The following VSX2 variants were observed in gnomAD, a reference collection of about 807,000 sequenced individuals.
VSX2 encodes the protein ceh-10 homeo domain containing homolog.
A neutral mutation model predicts 32.1 loss-of-function variants in VSX2; 28 were observed. The observed-to-expected ratio is 0.87, with a 90% confidence interval of 0.65 to 1.20. VSX2 has a LOEUF of 1.20. Ranked by LOEUF, VSX2 falls within the 50% of genes most tolerant of loss-of-function variation. VSX2 has a pLI of 0.00. For missense variants in VSX2, 506 were observed against 488.7 expected, an observed-to-expected ratio of 1.04 and a Z score of -0.33; for synonymous variants, 243 against 214.1, an observed-to-expected ratio of 1.14 and a Z score of -1.18.
intron 3 of VSX2, among the ~76,000 whole-genome samples, chr14:74,254,543 TC>T: frequency 6.6e-6 from 1 of 152,324 alleles, no homozygotes; most frequent in East Asian, 1.9e-4. Context: ...AAAGGCTGGA[TC>T]TTTCTTCCCC....
In VSX2 at chr14:74,239,509, G is replaced by A. The variant is rs1158588871; in HGVS notation, c.-53G>A. The A allele has an allele frequency of 2.6e-6, 4 of 1,548,948 alleles. No individual in the cohort carries two copies. Among genetic ancestry groups the A allele is most frequent in the Non-Finnish European group, 3.5e-6 (4 of 1,146,696 alleles). On this transcript the variant is annotated 5_prime_UTR_variant, in exon 1 of 5. Coordinates refer to ENST00000261980, the MANE Select transcript of VSX2 (RefSeq NM_182894.3). Reference sequence around the variant, plus strand: ...TTCGCGAAGCGGGAAGCCCGGCGGGGGGGTGGGGGGAGCTAAAGACCTGCG... The same window carrying A: ...TTCGCGAAGCGGGAAGCCCGGCGGGAGGGTGGGGGGAGCTAAAGACCTGCG...
rs117813701 is a variant in VSX2, at chr14:74,260,958, C to T, written c.*39C>T. On this transcript the variant is annotated 3_prime_UTR_variant, in exon 5 of 5. Transcript: ENST00000261980. ...CAGATGCCGGAGCCCCAAGACTCTG[C>T]TCTCCTCGGGCCCTGTGGTGCTGGG... 55,986 of 1,546,528 alleles carry T rather than the reference C, an allele frequency of 0.036. 1,744 individuals are homozygous for T. Among genetic ancestry groups the T allele is most frequent in the East Asian group, 0.13 (5,217 of 40,872 alleles).
chr14:74,240,063 G>A, intron 1 of VSX2, 132 bp downstream of exon 1: 1 of 1,236,434 alleles, frequency 8.1e-7, no homozygotes, highest in Non-Finnish European at 1.1e-6. Flanking sequence ...CGCCGCCTGG[G>A]CCTTGGGCCG....
At chr14:74,248,427 C>T (rs1242397801) in intron 3 of VSX2, among the ~76,000 whole-genome samples, 3 of 151,302 alleles carry the variant, frequency 2.0e-5, no homozygotes, top group Admixed American at 6.6e-5. Flanking sequence ...GGGCTCATGC[C>T]GGTAATCTCA....
In VSX2 at chr14:74,245,158, C is replaced by T. The variant is rs770570869; in HGVS notation, c.456-7C>T. 2.5e-6 allele frequency: 4 copies of T among 1,613,602 alleles called. No homozygotes were observed. Among genetic ancestry groups the T allele is most frequent in the Non-Finnish European group, 3.4e-6 (4 of 1,179,842 alleles). On this transcript the variant is annotated splice_region_variant and splice_polypyrimidine_tract_variant and intron_variant, in intron 2 of 4. Coordinates refer to ENST00000261980, the MANE Select transcript of VSX2 (RefSeq NM_182894.3). ...GGGTCCTGAGTGTTCGGTCTTGCTC[C>T]CCTCAGGACAATCTTTACCTCCTAC...
In VSX2 at chr14:74,254,784, A is replaced by ATTTTTTTTTTTTTTTTTTTTTTTTT. The variant is rs537753574; in HGVS notation, c.580-4805_580-4804insTTTTTTTTTTTTTTTTTTTTTTTTT. ...ATCCTCCAAAAACCCCGAAAAGTGG[A>ATTTTTTTTTTTTTTTTTTTTTTTTT]TTTTTTTTTTTTTGAGACGCAGTCT... On this transcript the variant is annotated intron_variant, in intron 3 of 4. Transcript: ENST00000261980. Among the ~76,000 whole-genome samples the ATTTTTTTTTTTTTTTTTTTTTTTTT allele has an allele frequency of 7.7e-3, 891 of 116,260 alleles. 139 individuals are homozygous for ATTTTTTTTTTTTTTTTTTTTTTTTT. Among genetic ancestry groups the ATTTTTTTTTTTTTTTTTTTTTTTTT allele is most frequent in the East Asian group, 0.031 (84 of 2,672 alleles). The allele number at this position is 116,260 out of a possible 152,430, so 76.3% of individuals were successfully genotyped here.
Position 74,243,610 on chromosome 14 carries a change from G to GAT in VSX2, c.456-1555_456-1554insAT, listed in dbSNP as rs1213646683. Among the ~76,000 whole-genome samples, 675 of 152,166 alleles carry GAT rather than the reference G, an allele frequency of 4.4e-3. 8 individuals are homozygous for GAT. Among genetic ancestry groups the GAT allele is most frequent in the African/African-American group, 0.015 (640 of 41,508 alleles). On this transcript the variant is annotated intron_variant, in intron 2 of 4. Coordinates refer to ENST00000261980, the MANE Select transcript of VSX2 (RefSeq NM_182894.3). ...TTGTTTATTTTGATGCTCTGTCCAT[G>GAT]GGCCCTTCAGCAGATGGCAGAAGCG...
intron 2 of VSX2, among the ~76,000 whole-genome samples, chr14:74,243,974 G>A (rs1280576972): frequency 6.6e-6 from 1 of 152,168 alleles, no homozygotes; most frequent in Non-Finnish European, 1.5e-5. Context: ...TTCAGTTTGT[G>A]GACGCTGGAC....
At chr14:74,244,330 A>G (rs1421629783) in intron 2 of VSX2, among the ~76,000 whole-genome samples, 1 of 151,998 alleles carries the variant, frequency 6.6e-6, no homozygotes, top group African/African-American at 2.4e-5. Context: ...TGAGTGGCTG[A>G]GCTTGCAAGT....
intron 3 of VSX2, among the ~76,000 whole-genome samples, chr14:74,258,595 C>G (rs1039434236): frequency 6.6e-6 from 1 of 152,152 alleles, no homozygotes; most frequent in African/African-American, 2.4e-5. Flanking sequence ...TGGGGCGCAC[C>G]ATTACCCCGC....
chr14:74,243,555 CT>C (rs113901119), intron 2 of VSX2, among the ~76,000 whole-genome samples: 6,566 of 152,144 alleles, frequency 0.043, 324 homozygotes, highest in African/African-American at 0.12. Flanking sequence ...CTCAGTTTCC[CT>C]GGTTTTGGAA....
At chr14:74,246,382 C>T (rs566473452) in intron 3 of VSX2, among the ~76,000 whole-genome samples, 8 of 152,310 alleles carry the variant, frequency 5.3e-5, no homozygotes, top group Non-Finnish European at 1.2e-4. Flanking sequence ...TGTACTCTCT[C>T]ACTGGAGGAC....
At position 74,239,625 on chromosome 14, in the gene VSX2, T is replaced by C. The variant is rs1269207375; in HGVS notation, c.64T>C (p.Ser22Pro). ...PKSETVAKSTSGGAPARCTGF... is the reference protein window; with the variant it reads ...PKSETVAKSTPGGAPARCTGF... ...ATCCGAGACAGTGGCCAAGAGTACCTCGGGGGGCGCCCCGGCCAGGTGCAC... is the reference window on the plus strand; with the variant it reads ...ATCCGAGACAGTGGCCAAGAGTACCCCGGGGGGCGCCCCGGCCAGGTGCAC... The change falls in exon 1 of 5, where the codon TCG becomes CCG. Residue 22 changes from serine (S) to proline (P), a missense_variant. Coordinates refer to ENST00000261980, the MANE Select transcript of VSX2 (RefSeq NM_182894.3). 6.4e-7 allele frequency: 1 copy of C among 1,550,898 alleles called. No individual in the cohort carries two copies. Among genetic ancestry groups the C allele is most frequent in the Non-Finnish European group, 8.7e-7 (1 of 1,146,902 alleles).
intron 3 of VSX2, among the ~76,000 whole-genome samples, chr14:74,257,921 A>G (rs985413397): frequency 6.6e-6 from 1 of 151,510 alleles, no homozygotes; most frequent in African/African-American, 2.4e-5. Flanking sequence ...ACGGCAAGCA[A>G]TTTTTTTTTA....
intron 1 of VSX2, among the ~76,000 whole-genome samples, chr14:74,240,264 G>A (rs1228200103): frequency 6.6e-6 from 1 of 152,184 alleles, no homozygotes; most frequent in Non-Finnish European, 1.5e-5. Context: ...CGGCCGTGTC[G>A]GAGGGCCCCA....
Position 74,245,257 on chromosome 14 carries a change from T to TGAAAAC in VSX2, c.550_555dup (p.Lys184_Thr185dup). The TGAAAAC allele has an allele frequency of 6.2e-7, 1 of 1,613,374 alleles. No homozygotes were observed. The highest frequency in any genetic ancestry group is 8.5e-7 in the Non-Finnish European group (1 of 1,179,872). ...GTCTATGCCCGGGAGATGCTGGCCA[T>TGAAAAC]GAAAACGGAGCTGCCGGAAGACAGG... is the stretch of plus-strand genomic sequence containing the variant. On this transcript the variant is annotated inframe_insertion, in exon 3 of 5. Coordinates refer to ENST00000261980, the MANE Select transcript of VSX2 (RefSeq NM_182894.3).
chr14:74,251,467 C>A (rs567125955), intron 3 of VSX2, among the ~76,000 whole-genome samples: 1 of 152,078 alleles, frequency 6.6e-6, no homozygotes, highest in African/African-American at 2.4e-5. Context: ...GCAACAAAAA[C>A]AACAACAAAA....
chr14:74,250,290 C>T (rs1242797394), intron 3 of VSX2, among the ~76,000 whole-genome samples: 2 of 151,902 alleles, frequency 1.3e-5, no homozygotes, highest in African/African-American at 4.8e-5. Context: ...TCTGGAAGTC[C>T]CTGCCAGCTA....
rs777217108 is a variant in VSX2, at chr14:74,241,198, CTCCAGCGATCGAAAAATG to C, written c.392_409del (p.Ser131_Ser136del). 3 of 1,613,468 alleles carry C rather than the reference CTCCAGCGATCGAAAAATG, an allele frequency of 1.9e-6. No homozygotes were observed. In the South Asian group the frequency reaches 3.3e-5, roughly 18 times the overall value. On this transcript the variant is annotated inframe_deletion, in exon 2 of 5. Transcript: ENST00000261980. ...GCTTTTCAGATTCTGAAGATGTTTC[CTCCAGCGATCGAAAAATG>C]TCCAAATCTGCTTTAAACCAGACCA...
Sources: allele counts gnomAD v4.1 joint callset (sites outside exome capture counted in the v4.1 genomes callset), GRCh38; gene constraint gnomAD v4.1.1; transcripts MANE v1.5; gene names NCBI Gene and HGNC (gene_info 2026-07-23, HGNC 2026-07-21).